PHTF2: variants seen among roughly 807,000 people sequenced by gnomAD.
PHTF2 encodes putative homeodomain transcription factor 2, also known as protein PHTF2.
In PHTF2, 60 loss-of-function variants were observed where a neutral mutation model predicts 101.2. That is an observed-to-expected ratio of 0.59 (90% CI 0.48 to 0.73). PHTF2 has a LOEUF of 0.73. Ranked by LOEUF, PHTF2 falls within the 30% of genes least tolerant of loss-of-function variation. The pLI is 0.00. For synonymous variants in PHTF2, 311 were observed against 307.3 expected (o/e 1.01, Z -0.13); for missense variants, 747 against 908.7 (o/e 0.82, Z 2.29).
In PHTF2 at chr7:77,935,130, CACA is replaced by C. The variant is rs1235459808; in HGVS notation, c.1339-2579_1339-2577del. ...TTTTTCAGTGTACATTCCCCCCCCC[CACA>C]CACACACACAGAGGAATATAGCAGT... On this transcript the variant is annotated intron_variant, in intron 12 of 19. Coordinates refer to ENST00000416283, the Ensembl canonical transcript of PHTF2. Among the ~76,000 whole-genome samples, 238 of 50,124 alleles carry C rather than the reference CACA, an allele frequency of 4.7e-3. 2 individuals are homozygous for C. The highest frequency in any genetic ancestry group is 0.012 in the African/African-American group (185 of 16,056). The allele number at this position is 50,124 out of a possible 152,430, so 32.9% of individuals were successfully genotyped here. A position where few individuals can be genotyped will look rare whatever the true frequency, so the allele number is the denominator to read the frequency against.
At chr7:77,822,289 TG>T (rs928084968) in intron 1 of PHTF2, among the ~76,000 whole-genome samples, 2 of 152,072 alleles carry the variant, frequency 1.3e-5, no homozygotes, top group African/African-American at 4.8e-5. Context: ...GTTGGGGTTG[TG>T]GTTTTCAGCC....
chr7:77,854,308 C>T (rs1029602373), intron 2 of PHTF2, among the ~76,000 whole-genome samples: 4 of 152,128 alleles, frequency 2.6e-5, no homozygotes, highest in African/African-American at 9.7e-5. Context: ...CAAATGGAGT[C>T]TCTCTGTCTG....
chr7:77,951,652 CA>C lies in PHTF2; in HGVS notation c.2156del (p.Lys719ArgfsTer4). On this transcript the variant is annotated frameshift_variant, in exon 18 of 20. Transcript: ENST00000416283. LOFTEE classifies it high-confidence loss of function. ...ACTTGAAAATGGAGAAAAAACCTAA[CA>C]AAAAGGAGGAACTGACACTAGTGAA... is the stretch of plus-strand genomic sequence containing the variant. 1.4e-6 allele frequency: 2 copies of C among 1,477,472 alleles called. No homozygotes were observed. Among genetic ancestry groups the C allele is most frequent in the Non-Finnish European group, 1.8e-6 (2 of 1,093,544 alleles). 91.5% of individuals were successfully genotyped at this position (1,477,472 alleles called of 1,614,324 possible).
At chr7:77,808,967 G>A (rs1041587522) in intron 1 of PHTF2, among the ~76,000 whole-genome samples, 5 of 152,116 alleles carry the variant, frequency 3.3e-5, no homozygotes, top group African/African-American at 1.2e-4. Context: ...CTAGAAGTGG[G>A]AACTCTTGTA....
At chr7:77,933,636 GT>G (rs1298367299) in intron 12 of PHTF2, among the ~76,000 whole-genome samples, 4 of 151,246 alleles carry the variant, frequency 2.6e-5, no homozygotes, top group Non-Finnish European at 4.4e-5. Flanking sequence ...AACAACTGGA[GT>G]TAAGATTGAG....
chr7:77,857,272 T>C (rs999357747), intron 3 of PHTF2, among the ~76,000 whole-genome samples: 1 of 152,054 alleles, frequency 6.6e-6, no homozygotes, highest in African/African-American at 2.4e-5. Context: ...TTGGAGAAAG[T>C]TGTGGAAAGA....
chr7:77,836,145 G>A (rs1004291870), intron 1 of PHTF2, among the ~76,000 whole-genome samples: 10 of 147,166 alleles, frequency 6.8e-5, no homozygotes, highest in African/African-American at 2.6e-4. Flanking sequence ...AAAAGAAGAG[G>A]AAGAAGAAGA....
chr7:77,812,738 C>T (rs571171010), intron 1 of PHTF2, among the ~76,000 whole-genome samples: 66 of 152,138 alleles, frequency 4.3e-4, no homozygotes, highest in African/African-American at 1.3e-3. Context: ...TACAGGCGCA[C>T]GCCACCACGC....
chr7:77,913,517 A>T (rs1209873507), intron 9 of PHTF2, among the ~76,000 whole-genome samples: 1 of 152,082 alleles, frequency 6.6e-6, no homozygotes, highest in Non-Finnish European at 1.5e-5. Flanking sequence ...TTACATCTTG[A>T]TTGTGTGTCG....
chr7:77,915,929 A>G (rs1802871844), intron 9 of PHTF2, among the ~76,000 whole-genome samples: 1 of 152,102 alleles, frequency 6.6e-6, no homozygotes, highest in Non-Finnish European at 1.5e-5. Context: ...GTTTTATGAA[A>G]TGAATATTAC....
intron 12 of PHTF2, among the ~76,000 whole-genome samples, chr7:77,934,332 G>C (rs910026762): frequency 2.0e-5 from 3 of 152,046 alleles, no homozygotes; most frequent in African/African-American, 7.2e-5. Context: ...TTCTCCTATA[G>C]CCCTCCTCTA....
intron 2 of PHTF2, among the ~76,000 whole-genome samples, chr7:77,854,264 G>GA (rs1796989407): frequency 6.6e-6 from 1 of 152,096 alleles, no homozygotes; most frequent in Non-Finnish European, 1.5e-5. Flanking sequence ...GATTGTCAGG[G>GA]AGAGTCTCTT....
chr7:77,899,526 C>T (rs1161362200), intron 5 of PHTF2, among the ~76,000 whole-genome samples: 1 of 151,872 alleles, frequency 6.6e-6, no homozygotes, highest in Admixed American at 6.6e-5. Flanking sequence ...TAACTTTTAC[C>T]CTGTCTCCTT....
intron 12 of PHTF2, among the ~76,000 whole-genome samples, chr7:77,937,414 G>A (rs1364060298): frequency 6.6e-6 from 1 of 152,134 alleles, no homozygotes; most frequent in Non-Finnish European, 1.5e-5. Flanking sequence ...GTTACAGAAA[G>A]TTCTCAACTT....
intron 1 of PHTF2, among the ~76,000 whole-genome samples, chr7:77,805,973 G>T (rs968446152): frequency 6.6e-6 from 1 of 152,086 alleles, no homozygotes; most frequent in East Asian, 1.9e-4. Flanking sequence ...TCAGGAGTTC[G>T]AGACCAGCCT....
chr7:77,899,324 C>A (rs1467767309), intron 5 of PHTF2, among the ~76,000 whole-genome samples: 1 of 151,758 alleles, frequency 6.6e-6, no homozygotes, highest in African/African-American at 2.4e-5. Flanking sequence ...TGTTCGACCT[C>A]AGCTGAGAAC....
At chr7:77,893,259 C>T (rs904992957) in intron 3 of PHTF2, among the ~76,000 whole-genome samples, 1 of 151,904 alleles carries the variant, frequency 6.6e-6, no homozygotes. Context: ...CTCCTTTGAA[C>T]CTCCTCCCTC....
chr7:77,860,070 A>G (rs910698834), intron 3 of PHTF2, among the ~76,000 whole-genome samples: 1 of 152,154 alleles, frequency 6.6e-6, no homozygotes, highest in Non-Finnish European at 1.5e-5. Context: ...ACCAGAGTGT[A>G]TATTTCTCAA....
intron 3 of PHTF2, among the ~76,000 whole-genome samples, chr7:77,881,512 C>T (rs554347506): frequency 1.1e-5 from 1 of 93,714 alleles, no homozygotes; most frequent in Non-Finnish European, 2.2e-5. Context: ...GCTCCAATGG[C>T]TGGTTTTGTT....
Sources: gnomAD v4.1 joint callset for allele counts (sites outside exome capture counted in the v4.1 genomes callset) on GRCh38, gnomAD v4.1.1 for gene constraint, MANE v1.5 for transcripts, NCBI Gene and HGNC (gene_info 2026-07-23, HGNC 2026-07-21) for gene names.